The following IZUMO4 variants were observed in gnomAD, a reference collection of about 807,000 sequenced individuals.
The protein encoded by IZUMO4 is izumo sperm-egg fusion protein 4.
IZUMO4 carries 51 observed loss-of-function variants against 37.1 expected under a neutral mutation model. That is an observed-to-expected ratio of 1.38 (90% CI 1.10 to 1.74). IZUMO4 has a LOEUF of 1.74. Among genes scored for constraint, IZUMO4 ranks in the 40% most tolerant of loss-of-function variants. The probability of loss-of-function intolerance (pLI) is 0.00; values close to 1 mark genes in which losing one functional copy is unlikely to be tolerated. For missense variants in IZUMO4, 364 were observed against 299.6 expected (o/e 1.21, Z -1.59); for synonymous variants, 162 against 121.4 (o/e 1.33, Z -2.20).
At chr19:2,098,725 G>C (rs768163835) in intron 7 of IZUMO4, 62 bp from the exon 8 acceptor site, 7 of 1,599,412 alleles carry the variant, frequency 4.4e-6, no homozygotes, top group Non-Finnish European at 6.0e-6. Context: ...AGCCTGGGAG[G>C]GTTCCCTACG....
chr19:2,099,143 T>C (rs1363055545), intron 9 of IZUMO4, 112 bp from the exon 10 acceptor site: 21 of 1,381,538 alleles, frequency 1.5e-5, no homozygotes, highest in Non-Finnish European at 2.1e-5. Flanking sequence ...GTCGTGGATG[T>C]GGCCACACAT....
intron 9 of IZUMO4, 95 bp downstream of exon 9, chr19:2,099,124 C>A: frequency 1.4e-6 from 2 of 1,397,068 alleles, no homozygotes; most frequent in Non-Finnish European, 2.0e-6. Context: ...ACATCCCAGG[C>A]ACGAGGGTGT....
In IZUMO4 at chr19:2,098,539, A is replaced by G. The variant is rs1357014395; in HGVS notation, c.536+89A>G. 10 of 1,607,980 alleles carry G rather than the reference A, an allele frequency of 6.2e-6. No individual in the cohort carries two copies. In the East Asian group the frequency reaches 1.6e-4, roughly 25 times the overall value. ...GTGTGGGGCACAGGCTGGCTCCCTC[A>G]GCTCCCACGTCCTAGAGGGGCTCCC... On this transcript the variant is annotated intron_variant, in intron 7 of 9. Transcript: ENST00000395301.
chr19:2,098,074 C>G lies in IZUMO4; in HGVS notation c.420C>G (p.Ile140Met). 3 of 1,613,488 alleles carry G rather than the reference C, an allele frequency of 1.9e-6. No homozygotes were observed. Among genetic ancestry groups the G allele is most frequent in the Non-Finnish European group, 2.5e-6 (3 of 1,180,012 alleles). The change falls in exon 5 of 10, where the codon ATC becomes ATG. Residue 140 changes from isoleucine (I) to methionine (M), a missense_variant. Ile to Met is a conservative substitution (Grantham distance 10). Coordinates refer to ENST00000395301, the MANE Select transcript of IZUMO4 (RefSeq NM_001039846.2). ...HRCGIFQYET[I>M]SCNNCTDSHV... is the part of the protein sequence containing the mutation. The stretch of plus-strand genomic sequence containing the variant: ...CAGGCATCTTCCAGTACGAGACCAT[C>G]TCCTGCAACAACTGCACAGACTCGC...
intron 3 of IZUMO4, 71 bp downstream of exon 3, chr19:2,097,566 G>A: frequency 2.2e-6 from 3 of 1,367,540 alleles, no homozygotes; most frequent in Non-Finnish European, 3.1e-6. Context: ...CTTGGCTGAG[G>A]CTGGAGTGAT....
In IZUMO4 at chr19:2,097,704, G is replaced by A. The variant is rs753426629; in HGVS notation, c.370+209G>A. 3 of 686,044 alleles carry A rather than the reference G, an allele frequency of 4.4e-6. No individual in the cohort carries two copies. In the South Asian group the frequency reaches 5.3e-5, roughly 12 times the overall value. 42.5% of individuals were successfully genotyped at this position (686,044 alleles called of 1,614,324 possible). A position where few individuals can be genotyped will look rare whatever the true frequency, so the allele number is the denominator to read the frequency against. Reference sequence around the variant, plus strand: ...CCTCCCCTAAGTAGCCCCCAGAGGCGCTGGGAGTGTTGCCACCGCCCTCCC... The same window carrying A: ...CCTCCCCTAAGTAGCCCCCAGAGGCACTGGGAGTGTTGCCACCGCCCTCCC... On this transcript the variant is annotated intron_variant, in intron 3 of 9. Coordinates refer to ENST00000395301, the MANE Select transcript of IZUMO4 (RefSeq NM_001039846.2).
chr19:2,099,047 G>A lies in IZUMO4; in HGVS notation c.608+18G>A, dbSNP rs774526419. On this transcript the variant is annotated intron_variant, in intron 9 of 9. Transcript: ENST00000395301. ...CCGGCCTTGTGAGTGACCCAGAGAA[G>A]GGAGGCCTCGGGAGAAGGGGTGCTC... The A allele has an allele frequency of 1.2e-6, 2 of 1,609,960 alleles. No individual in the cohort carries two copies. Among genetic ancestry groups the A allele is most frequent in the East Asian group, 2.2e-5 (1 of 44,866 alleles).
rs144499044 is a variant in IZUMO4, at chr19:2,098,238, C to T, written c.474-49C>T. On this transcript the variant is annotated intron_variant, in intron 5 of 9. Transcript: ENST00000395301. ...TCCACCTGGCTGTCATCGGGTAGGG[C>T]GGGGCCGTGGGTTCAGGGGCGCACC... is the stretch of plus-strand genomic sequence containing the variant. 7.4e-3 allele frequency: 11,935 copies of T among 1,612,720 alleles called. 66 individuals carry two copies. Among genetic ancestry groups the T allele is most frequent in the Middle Eastern group, 0.018 (110 of 6,052 alleles).
At chr19:2,098,692 C>A (rs950443479) in intron 7 of IZUMO4, 95 bp from the exon 8 acceptor site, 2 of 1,573,278 alleles carry the variant, frequency 1.3e-6, no homozygotes, top group Middle Eastern at 1.7e-4. Context: ...TCTGGTTCCA[C>A]CCCATCCCAG....
Position 2,097,959 on chromosome 19 carries a change from A to G in IZUMO4, c.397+4A>G. 5.0e-6 allele frequency: 8 copies of G among 1,613,222 alleles called. No homozygotes were observed. The highest frequency in any genetic ancestry group is 6.8e-6 in the Non-Finnish European group (8 of 1,179,978). On this transcript the variant is annotated splice_donor_region_variant and intron_variant, in intron 4 of 9. Transcript: ENST00000395301. The stretch of plus-strand genomic sequence containing the variant: ...ATCGACTGTCAGCACCGCTGTGGTA[A>G]GCAAGGCTCCGTCCAGGCTGAGGGG...
At chr19:2,098,515 T>C (rs1225475814) in intron 7 of IZUMO4, 65 bp downstream of exon 7, 1 of 1,611,444 alleles carries the variant, frequency 6.2e-7, no homozygotes, top group Non-Finnish European at 8.5e-7. Flanking sequence ...GGTGAGTATG[T>C]GTGGGGCACA....
intron 3 of IZUMO4, 92 bp from the exon 4 acceptor site, chr19:2,097,837 G>C: frequency 6.6e-7 from 1 of 1,504,124 alleles, no homozygotes. Flanking sequence ...CAGTGCCGAG[G>C]GACAGGCCCT....
chr19:2,098,651 C>T (rs945361804), intron 7 of IZUMO4, 136 bp from the exon 8 acceptor site: 218 of 1,554,654 alleles, frequency 1.4e-4, no homozygotes, highest in Admixed American at 3.6e-4. Context: ...CAGCTGGAGG[C>T]GGGCATCTTT....
At chr19:2,099,058 G>A (rs775069727) in intron 9 of IZUMO4, 29 bp downstream of exon 9, 1 of 1,605,102 alleles carries the variant, frequency 6.2e-7, no homozygotes, top group Non-Finnish European at 8.5e-7. Context: ...GGAGGCCTCG[G>A]GAGAAGGGGT....
chr19:2,098,163 C>A (rs748465300), intron 5 of IZUMO4, 36 bp downstream of exon 5: 1 of 1,608,696 alleles, frequency 6.2e-7, no homozygotes, highest in East Asian at 2.2e-5. Context: ...CGTGCCAGGG[C>A]CCTACTGTCC....
At position 2,098,793 on chromosome 19, in the gene IZUMO4, C is replaced by T. The variant is rs1475656913; in HGVS notation, c.543C>T (p.Asp181=). 8 of 1,601,396 alleles carry T rather than the reference C, an allele frequency of 5.0e-6. No homozygotes were observed. Among genetic ancestry groups the T allele is most frequent in the African/African-American group, 1.3e-5 (1 of 74,248 alleles). Residue 181 remains aspartate, a synonymous_variant, in exon 8 of 10, where the codon GAC becomes GAT. Coordinates refer to ENST00000395301, the MANE Select transcript of IZUMO4 (RefSeq NM_001039846.2). ...LNYINNWHKQ[D]TSMRPRSSAF... The stretch of plus-strand genomic sequence containing the variant: ...GCCCCACATTGCCTTTCAGACAGGA[C>T]ACGAGCATGAGGTAAGGCCGCCCTG...
Position 2,097,210 on chromosome 19 carries a change from C to T in IZUMO4, c.218-42C>T, listed in dbSNP as rs1247293296. ...GTCCCGACTACCCCGCCAGCGAGAC[C>T]CCGGGGCAGGCCGGTCACCTGGCTT... On this transcript the variant is annotated intron_variant, in intron 1 of 9. Transcript: ENST00000395301. 8 of 1,607,446 alleles carry T rather than the reference C, an allele frequency of 5.0e-6. No individual in the cohort carries two copies. In the South Asian group the frequency reaches 6.6e-5, roughly 13 times the overall value.
At chr19:2,097,849 A>G in intron 3 of IZUMO4, 80 bp from the exon 4 acceptor site, 1 of 1,553,998 alleles carries the variant, frequency 6.4e-7, no homozygotes, top group Non-Finnish European at 8.9e-7. Context: ...ACAGGCCCTG[A>G]GGCTTTGGAG....
In IZUMO4 at chr19:2,097,960, G is replaced by C. The variant is rs2017759822; in HGVS notation, c.397+5G>C. On this transcript the variant is annotated splice_donor_5th_base_variant and intron_variant, in intron 4 of 9. Transcript: ENST00000395301. ...TCGACTGTCAGCACCGCTGTGGTAA[G>C]CAAGGCTCCGTCCAGGCTGAGGGGC... 6.2e-7 allele frequency: 1 copy of C among 1,613,260 alleles called. No homozygotes were observed. Among genetic ancestry groups the C allele is most frequent in the Non-Finnish European group, 8.5e-7 (1 of 1,180,000 alleles).
Sources: allele counts gnomAD v4.1 joint callset, GRCh38; gene constraint gnomAD v4.1.1; transcripts MANE v1.5; gene names NCBI Gene and HGNC (gene_info 2026-07-23, HGNC 2026-07-21).